Variants in CMBL observed in about 807,000 individuals in gnomAD.
CMBL encodes the protein carboxymethylenebutenolidase homolog (Pseudomonas).
A neutral mutation model predicts 28.7 loss-of-function variants in CMBL; 17 were observed. The ratio of observed to expected loss-of-function variants is 0.59; its 90% CI spans 0.41 to 0.89. The LOEUF (loss-of-function observed/expected upper bound fraction) is 0.89. Ranked by LOEUF, CMBL falls within the 40% of genes least tolerant of loss-of-function variation. CMBL has a pLI of 0.00. For missense variants in CMBL, 310 were observed against 298.5 expected (o/e 1.04, Z -0.28); for synonymous variants, 106 against 101.6 (o/e 1.04, Z -0.26).
intron 1 of CMBL, among the ~76,000 whole-genome samples, chr5:10,299,916 C>A (rs1301439943): frequency 6.6e-6 from 1 of 152,118 alleles, no homozygotes; most frequent in African/African-American, 2.4e-5. Flanking sequence ...TTCTTGGCAC[C>A]ACTAATATGA....
intron 1 of CMBL, among the ~76,000 whole-genome samples, chr5:10,294,654 A>G (rs1320575653): frequency 6.6e-6 from 1 of 152,232 alleles, no homozygotes; most frequent in Non-Finnish European, 1.5e-5. Flanking sequence ...GGATGGCTCC[A>G]GCAACAATCC....
intron 1 of CMBL, among the ~76,000 whole-genome samples, chr5:10,299,414 G>T (rs60493270): frequency 0.044 from 6,644 of 152,272 alleles, 239 homozygotes; most frequent in South Asian, 0.14. Context: ...ACACAGAGAT[G>T]ATGGTACACT....
chr5:10,280,704 T>C, intron 5 of CMBL, 72 bp from the exon 6 acceptor site: 2 of 1,286,536 alleles, frequency 1.6e-6, no homozygotes, highest in Non-Finnish European at 1.1e-6. Context: ...TTAGTGAGCG[T>C]TCATAACAGA....
intron 3 of CMBL, among the ~76,000 whole-genome samples, chr5:10,287,725 T>TC (rs930674732): frequency 1.3e-5 from 2 of 151,896 alleles, no homozygotes; most frequent in African/African-American, 4.8e-5. Flanking sequence ...TTTCTTTTTT[T>TC]TTTGAGATGG....
chr5:10,299,484 T>TA (rs2126560859), intron 1 of CMBL, among the ~76,000 whole-genome samples: 1 of 152,078 alleles, frequency 6.6e-6, no homozygotes, highest in Non-Finnish European at 1.5e-5. Flanking sequence ...CTAGCAAAGT[T>TA]AAAGAAGCAG....
In CMBL at chr5:10,277,807, A is replaced by T. The variant is rs1315342937; in HGVS notation, c.*2646T>A. The stretch of plus-strand genomic sequence containing the variant: ...GAACACCATGACATTTGACCAAAGG[A>T]CTCAGCAGAGGGAAGGCTGCCCAGG... On this transcript the variant is annotated 3_prime_UTR_variant, in exon 6 of 6. Transcript: ENST00000296658. Among the ~76,000 whole-genome samples, 1 of 152,208 alleles carries T rather than the reference A, an allele frequency of 6.6e-6. No homozygotes were observed. The highest frequency in any genetic ancestry group is 1.9e-4 in the East Asian group (1 of 5,202).
chr5:10,301,748 C>T (rs566979235), intron 1 of CMBL, among the ~76,000 whole-genome samples: 3 of 151,960 alleles, frequency 2.0e-5, no homozygotes, highest in Admixed American at 2.0e-4. Context: ...ACTACAGGTG[C>T]CCGCCACTAT....
intron 1 of CMBL, among the ~76,000 whole-genome samples, chr5:10,298,553 T>G (rs868248522): frequency 6.6e-6 from 1 of 152,238 alleles, no homozygotes; most frequent in African/African-American, 2.4e-5. Context: ...GATATCATGA[T>G]GTACCCACAG....
rs904247077 is a variant in CMBL, at chr5:10,278,437, G to T, written c.*2016C>A. Among the ~76,000 whole-genome samples, 1 of 151,900 alleles carries T rather than the reference G, an allele frequency of 6.6e-6. No individual in the cohort carries two copies. The highest frequency in any genetic ancestry group is 2.4e-5 in the African/African-American group (1 of 41,350). ...ACCATGCCGATATCCTACCCACACCGACCCCTCTCAGTCACAGCGTGAGTC... is the reference window on the plus strand; with the variant it reads ...ACCATGCCGATATCCTACCCACACCTACCCCTCTCAGTCACAGCGTGAGTC... On this transcript the variant is annotated 3_prime_UTR_variant, in exon 6 of 6. Transcript: ENST00000296658.
intron 5 of CMBL, among the ~76,000 whole-genome samples, chr5:10,281,437 T>C (rs3852166): frequency 0.68 from 103,971 of 152,026 alleles, 37,123 homozygotes; most frequent in Non-Finnish European, 0.78. Flanking sequence ...AGCCTGGTCT[T>C]AAACTCTCAG....
At chr5:10,283,694 G>A (rs894123100) in intron 4 of CMBL, among the ~76,000 whole-genome samples, 1 of 152,206 alleles carries the variant, frequency 6.6e-6, no homozygotes, top group Non-Finnish European at 1.5e-5. Context: ...GGACCCAGGA[G>A]GTGGAGGTTC....
chr5:10,304,459 G>T (rs1394700794), intron 1 of CMBL, among the ~76,000 whole-genome samples: 1 of 152,210 alleles, frequency 6.6e-6, no homozygotes, highest in Non-Finnish European at 1.5e-5. Flanking sequence ...GTTCAGCACA[G>T]ATCCCTGTAC....
At chr5:10,291,146 C>T (rs1746707259) in intron 1 of CMBL, among the ~76,000 whole-genome samples, 1 of 152,026 alleles carries the variant, frequency 6.6e-6, no homozygotes, top group Non-Finnish European at 1.5e-5. Flanking sequence ...AGGAGCACAC[C>T]CTAACAGTCG....
At chr5:10,296,451 T>C (rs1316867446) in intron 1 of CMBL, among the ~76,000 whole-genome samples, 2 of 152,156 alleles carry the variant, frequency 1.3e-5, no homozygotes, top group African/African-American at 2.4e-5. Context: ...TGGCTAATTT[T>C]TGTATTTTTG....
intron 1 of CMBL, among the ~76,000 whole-genome samples, chr5:10,292,693 A>G (rs28541582): frequency 0.24 from 36,951 of 151,680 alleles, 6,440 homozygotes; most frequent in African/African-American, 0.5. Flanking sequence ...GTGTGGTGGC[A>G]GGCGCCTGTA....
chr5:10,288,876 C>A (rs1746654493), intron 2 of CMBL, among the ~76,000 whole-genome samples: 1 of 152,198 alleles, frequency 6.6e-6, no homozygotes, highest in Non-Finnish European at 1.5e-5. Flanking sequence ...CCCCTCCTGC[C>A]CCTCTCAGCC....
intron 1 of CMBL, among the ~76,000 whole-genome samples, chr5:10,304,361 C>A (rs936931722): frequency 3.9e-5 from 6 of 152,096 alleles, no homozygotes; most frequent in African/African-American, 1.4e-4. Flanking sequence ...GTGAATGAAA[C>A]CCTGTCTCAA....
rs1746477232 is a variant in CMBL at position 10,280,357 on chromosome 5, A to G, written c.*96T>C. On this transcript the variant is annotated 3_prime_UTR_variant, in exon 6 of 6. Transcript: ENST00000296658. ...AATCAATTTTAGGATTCCTACACTT[A>G]TTTTATAAAAGTGAAAATTAAATCA... The G allele has an allele frequency of 2.1e-6, 2 of 935,788 alleles. No individual in the cohort carries two copies. Among genetic ancestry groups the G allele is most frequent in the Non-Finnish European group, 1.6e-6 (1 of 640,064 alleles). 58.0% of individuals were successfully genotyped at this position (935,788 alleles called of 1,614,324 possible).
chr5:10,284,933 G>A (rs1746569711), intron 4 of CMBL, among the ~76,000 whole-genome samples: 1 of 151,354 alleles, frequency 6.6e-6, no homozygotes, highest in Non-Finnish European at 1.5e-5. Context: ...GGTTTGTTTT[G>A]GCCAAAAATG....
Sources: allele counts gnomAD v4.1 joint callset (sites outside exome capture counted in the v4.1 genomes callset), GRCh38; gene constraint gnomAD v4.1.1; transcripts MANE v1.5; gene names NCBI Gene and HGNC (gene_info 2026-07-23, HGNC 2026-07-21).